The following USP8 variants were observed in gnomAD, a reference collection of about 807,000 sequenced individuals.
The protein encoded by USP8 is ubiquitin carboxyl-terminal hydrolase 8.
Under a neutral mutation model 130.0 loss-of-function variants are expected in USP8, and 27 were observed. The ratio of observed to expected loss-of-function variants is 0.21; its 90% CI spans 0.15 to 0.29. The LOEUF (loss-of-function observed/expected upper bound fraction) is 0.29, where lower values mean the gene tolerates loss of function less well. USP8 is among the 10% of genes least tolerant of loss of function. The pLI, the probability that USP8 is intolerant of heterozygous loss-of-function variation, is 1.00. For missense variants in USP8, 1,029 were observed against 1,312.2 expected, an observed-to-expected ratio of 0.78 and a Z score of 3.33; for synonymous variants, 392 against 444.1, an observed-to-expected ratio of 0.88 and a Z score of 1.48.
chr15:50,475,784 G>A (rs1474321073), intron 8 of USP8, among the ~76,000 whole-genome samples: 1 of 151,930 alleles, frequency 6.6e-6, no homozygotes, highest in East Asian at 1.9e-4. Context: ...TGTATGTTTA[G>A]TAGAGACGGG....
chr15:50,426,583 G>A (rs896047526), intron 1 of USP8, among the ~76,000 whole-genome samples: 3 of 152,194 alleles, frequency 2.0e-5, no homozygotes, highest in African/African-American at 4.8e-5. Context: ...ACGTGAAGGC[G>A]TTTGATGTTG....
chr15:50,481,369 A>G (rs1049271925), intron 10 of USP8, 112 bp from the exon 11 acceptor site: 7 of 721,174 alleles, frequency 9.7e-6, no homozygotes, highest in Non-Finnish European at 1.5e-5. Flanking sequence ...AGATGTGCTG[A>G]TAGATGTTGT....
At chr15:50,496,883 T>C in intron 17 of USP8, 1 of 509,764 alleles carries the variant, frequency 2.0e-6, no homozygotes, top group Admixed American at 4.1e-5. Flanking sequence ...CAACACACTG[T>C]AGGTAGCACT....
At chr15:50,466,205 A>G (rs2051183529) in intron 7 of USP8, among the ~76,000 whole-genome samples, 1 of 152,188 alleles carries the variant, frequency 6.6e-6, no homozygotes, top group South Asian at 2.1e-4. Context: ...ATATTTTTAA[A>G]ATTAGGTAAT....
intron 1 of USP8, among the ~76,000 whole-genome samples, chr15:50,428,893 G>A (rs1310767639): frequency 1.3e-5 from 2 of 152,120 alleles, no homozygotes; most frequent in Non-Finnish European, 2.9e-5. Flanking sequence ...CCATGATTAA[G>A]TAAAATGAGG....
Position 50,477,527 on chromosome 15 carries a change from C to T in USP8, c.1218+28C>T, listed in dbSNP as rs376773514. On this transcript the variant is annotated intron_variant, in intron 10 of 19. Coordinates refer to ENST00000307179, the MANE Select transcript of USP8 (RefSeq NM_005154.5). ...ATGTTCTTGATTTTAACATTATTCT[C>T]GCTTTTGTTTTAATATTAAATATAT... The T allele has an allele frequency of 3.1e-5, 49 of 1,580,876 alleles. No individual in the cohort carries two copies. The African/African-American group carries it at 3.8e-4, about 12-fold the overall frequency.
chr15:50,493,659 C>A (rs1291959161), intron 15 of USP8: 7 of 372,878 alleles, frequency 1.9e-5, no homozygotes, highest in Non-Finnish European at 3.7e-5. Flanking sequence ...GTGGGAGGAT[C>A]ACCTGAGCCC....
intron 3 of USP8, among the ~76,000 whole-genome samples, chr15:50,444,102 T>G (rs1275419013): frequency 5.4e-5 from 8 of 148,444 alleles, no homozygotes; most frequent in Non-Finnish European, 1.2e-4. Context: ...GGTAGGTTTT[T>G]TTTTTTTTTT....
intron 10 of USP8, among the ~76,000 whole-genome samples, 165 bp from the exon 11 acceptor site, chr15:50,481,316 G>A (rs75841419): frequency 0.014 from 2,160 of 152,318 alleles, 46 homozygotes; most frequent in African/African-American, 0.05. Flanking sequence ...TACCATTCAA[G>A]TTCTGTTTTA....
chr15:50,510,601 T>C lies in USP8; in HGVS notation c.*11513T>C, dbSNP rs759919004. 1 of 152,214 alleles carries C rather than the reference T, an allele frequency of 6.6e-6. No homozygotes were observed. The highest frequency in any genetic ancestry group is 1.5e-5 in the Non-Finnish European group (1 of 68,046). The allele number at this position is 152,214 out of a possible 1,614,324, so 9.4% of individuals were successfully genotyped here. Reference sequence around the variant, plus strand: ...TAGAAGAATGTGGTTAAGGGATTATTTTGATCTATGAAGTGTCACGATACA... The same window carrying C: ...TAGAAGAATGTGGTTAAGGGATTATCTTGATCTATGAAGTGTCACGATACA... On this transcript the variant is annotated 3_prime_UTR_variant, in exon 20 of 20. Transcript: ENST00000307179.
chr15:50,436,486 T>G (rs1007417968), intron 1 of USP8, among the ~76,000 whole-genome samples: 3 of 152,200 alleles, frequency 2.0e-5, no homozygotes, highest in African/African-American at 7.2e-5. Context: ...ATTAGTTTTT[T>G]AAACTTTGTT....
At chr15:50,479,375 C>G (rs1172914815) in intron 10 of USP8, among the ~76,000 whole-genome samples, 2 of 152,044 alleles carry the variant, frequency 1.3e-5, no homozygotes, top group Non-Finnish European at 2.9e-5. Flanking sequence ...TATGTGGGCG[C>G]TAGTCTCTGT....
At chr15:50,486,884 A>G (rs1173105369) in intron 12 of USP8, among the ~76,000 whole-genome samples, 1 of 151,940 alleles carries the variant, frequency 6.6e-6, no homozygotes, top group Non-Finnish European at 1.5e-5. Context: ...TGTAATCCCA[A>G]CACTTTGGGA....
chr15:50,475,301 A>G (rs2051526593), intron 8 of USP8, among the ~76,000 whole-genome samples: 1 of 152,192 alleles, frequency 6.6e-6, no homozygotes. Context: ...TAAGTCATAG[A>G]ACAATATAAA....
rs1195324149 is a variant in USP8 at position 50,507,013 on chromosome 15, T to TG, written c.*7927dup. On this transcript the variant is annotated 3_prime_UTR_variant, in exon 20 of 20. Transcript: ENST00000307179. Reference sequence around the variant, plus strand: ...AAATCCAGTTTTAGGCCAAGTGTGGTGGCTCATGCCTGTAATCCCAACACT... The same window carrying TG: ...AAATCCAGTTTTAGGCCAAGTGTGGTGGGCTCATGCCTGTAATCCCAACACT... The TG allele has an allele frequency of 7.2e-6, 1 of 138,196 alleles. No homozygotes were observed. Among genetic ancestry groups the TG allele is most frequent in the East Asian group, 2.1e-4 (1 of 4,670 alleles). 8.6% of individuals were successfully genotyped at this position (138,196 alleles called of 1,614,324 possible).
chr15:50,489,861 C>T lies in USP8; in HGVS notation c.1951C>T (p.Leu651=), dbSNP rs569924699. Residue 651 remains leucine (L), a synonymous_variant, in exon 13 of 20, where the codon CTG becomes TTG. Coordinates refer to ENST00000307179, the MANE Select transcript of USP8 (RefSeq NM_005154.5). ...AGAAATGGGGAGGATCGTACCAGGA[C>T]TGCCTTCAGGCTGGGCCAAGGTAAA... ...SEEMGRIVPG[L]PSGWAKFLDP... 2 of 1,584,618 alleles carry T rather than the reference C, an allele frequency of 1.3e-6. No homozygotes were observed. The highest frequency in any genetic ancestry group is 1.7e-6 in the Non-Finnish European group (2 of 1,166,626).
intron 12 of USP8, among the ~76,000 whole-genome samples, chr15:50,485,342 C>T (rs552417916): frequency 2.0e-5 from 3 of 150,034 alleles, no homozygotes; most frequent in South Asian, 4.2e-4. Flanking sequence ...TCCAGCTACT[C>T]GGGAGGCTGA....
At chr15:50,437,829 A>G (rs61565615) in intron 1 of USP8, among the ~76,000 whole-genome samples, 32,909 of 152,198 alleles carry the variant, frequency 0.22, 3,905 homozygotes, top group East Asian at 0.46. Flanking sequence ...TTTCTCCCCT[A>G]TCACTACAGC....
intron 4 of USP8, 128 bp from the exon 5 acceptor site, chr15:50,458,869 TGTG>T (rs2141277615): frequency 9.5e-7 from 1 of 1,048,038 alleles, no homozygotes; most frequent in Non-Finnish European, 1.4e-6. Flanking sequence ...ATGTGTGAAT[TGTG>T]GTGGAGGGAG....
Sources: gnomAD v4.1 joint callset for allele counts (sites outside exome capture counted in the v4.1 genomes callset) on GRCh38, gnomAD v4.1.1 for gene constraint, MANE v1.5 for transcripts, NCBI Gene and HGNC (gene_info 2026-07-23, HGNC 2026-07-21) for gene names.